The following THSD4 variants were observed in gnomAD, a reference collection of about 807,000 sequenced individuals.
THSD4 encodes thrombospondin type-1 domain-containing protein 4.
A neutral mutation model predicts 119.0 loss-of-function variants in THSD4; 69 were observed. The ratio of observed to expected loss-of-function variants is 0.58; its 90% CI spans 0.48 to 0.71. The LOEUF is 0.71. THSD4 is among the 30% of genes least tolerant of loss of function. The probability of loss-of-function intolerance (pLI) is 0.00; values close to 1 mark genes in which losing one functional copy is unlikely to be tolerated. For missense variants in THSD4, 1,393 were observed against 1,391.1 expected (o/e 1.00, Z -0.02); for synonymous variants, 524 against 540.4 (o/e 0.97, Z 0.42).
chr15:71,562,989 C>T (rs1251157369), intron 7 of THSD4, among the ~76,000 whole-genome samples: 1 of 152,116 alleles, frequency 6.6e-6, no homozygotes, highest in African/African-American at 2.4e-5. Flanking sequence ...CTTTAAATGC[C>T]CTTTGCTGTA....
intron 4 of THSD4, among the ~76,000 whole-genome samples, chr15:71,234,849 A>G (rs1362290239): frequency 6.6e-6 from 1 of 152,148 alleles, no homozygotes; most frequent in East Asian, 1.9e-4. Flanking sequence ...GAATGACTGA[A>G]GTGCACTGGC....
At position 71,311,591 on chromosome 15, in the gene THSD4, C is replaced by G. The variant is rs373479898; in HGVS notation, c.1015+54876C>G. On this transcript the variant is annotated intron_variant, in intron 6 of 17. Transcript: ENST00000261862. Reference sequence around the variant, plus strand: ...TTCACTTTCTAACTGTGCACTGATCCTTGCCTTCTGCTTCCACATGTCCTC... The same window carrying G: ...TTCACTTTCTAACTGTGCACTGATCGTTGCCTTCTGCTTCCACATGTCCTC... Among the ~76,000 whole-genome samples, 14 of 152,296 alleles carry G rather than the reference C, an allele frequency of 9.2e-5. 1 individual carries two copies. The highest frequency in any genetic ancestry group is 3.4e-4 in the African/African-American group (14 of 41,558).
intron 10 of THSD4, among the ~76,000 whole-genome samples, chr15:71,735,596 CTT>C (rs1435120508): frequency 6.6e-6 from 1 of 151,690 alleles, no homozygotes; most frequent in African/African-American, 2.4e-5. Context: ...CTCTCTCTCT[CTT>C]GCTCTCTGTC....
At chr15:71,448,453 G>A (rs2140575132) in intron 7 of THSD4, among the ~76,000 whole-genome samples, 1 of 152,278 alleles carries the variant, frequency 6.6e-6, no homozygotes, top group Non-Finnish European at 1.5e-5. Context: ...TCTTTTTCCA[G>A]CCTTACATAA....
At chr15:71,627,300 T>G (rs74022172) in intron 7 of THSD4, among the ~76,000 whole-genome samples, 1 of 152,214 alleles carries the variant, frequency 6.6e-6, no homozygotes, top group Admixed American at 6.5e-5. Flanking sequence ...GTGTAGTATG[T>G]CACCTCTCCG....
chr15:71,693,115 G>A (rs1317647021), intron 8 of THSD4, among the ~76,000 whole-genome samples: 2 of 152,134 alleles, frequency 1.3e-5, no homozygotes, highest in Non-Finnish European at 2.9e-5. Context: ...ATTTCAGGAT[G>A]TGGGGAGGGT....
Position 71,332,892 on chromosome 15 carries a change from A to ATTTTTTTTTTTTTTTTTTTTTTTTTTTTT in THSD4, c.1015+76193_1015+76194insTTTTTTTTTTTTTTTTTTTTTTTTTTTTT. On this transcript the variant is annotated intron_variant, in intron 6 of 17. Coordinates refer to ENST00000261862, the MANE Select transcript of THSD4 (RefSeq NM_024817.3). ...TCTTAAAACATTGAGATTTTTTTAC[A>ATTTTTTTTTTTTTTTTTTTTTTTTTTTTT]TTTTTTTTTTTTTTTTAGTTCATCA... Among the ~76,000 whole-genome samples, 124 of 76,994 alleles carry ATTTTTTTTTTTTTTTTTTTTTTTTTTTTT rather than the reference A, an allele frequency of 1.6e-3. 26 individuals carry two copies. Among genetic ancestry groups the ATTTTTTTTTTTTTTTTTTTTTTTTTTTTT allele is most frequent in the Admixed American group, 2.3e-3 (11 of 4,682 alleles). 50.5% of individuals were successfully genotyped at this position (76,994 alleles called of 152,430 possible). A position where few individuals can be genotyped will look rare whatever the true frequency, so the allele number is the denominator to read the frequency against.
intron 1 of THSD4, among the ~76,000 whole-genome samples, chr15:71,131,140 A>G (rs1204922129): frequency 6.6e-6 from 1 of 152,154 alleles, no homozygotes; most frequent in Non-Finnish European, 1.5e-5. Context: ...CTATTAGTTT[A>G]TTCATCTTTG....
chr15:71,107,833 G>A lies in THSD4; in HGVS notation c.-80+10827G>A, dbSNP rs1044672588. Among the ~76,000 whole-genome samples the A allele has an allele frequency of 4.6e-5, 7 of 152,316 alleles. No homozygotes were observed. In the East Asian group the frequency reaches 1.4e-3, roughly 29 times the overall value. ...CCATTTTCCCCCTTGAGAGAATTCA[G>A]CAGTTAGTGAGTGTCAAGCCTGCTC... On this transcript the variant is annotated intron_variant, in intron 1 of 17. Transcript: ENST00000355327.
At chr15:71,348,041 G>A (rs1161860230) in intron 6 of THSD4, 3 of 152,208 alleles carry the variant, frequency 2.0e-5, no homozygotes, top group Non-Finnish European at 4.4e-5. Flanking sequence ...AGGGAACAGA[G>A]TGTTTGAAAC....
At chr15:71,587,787 T>TAAAAAAAAAAAAAAAAAAAAAAAAA (rs1207231444) in intron 7 of THSD4, among the ~76,000 whole-genome samples, 9 of 105,548 alleles carry the variant, frequency 8.5e-5, no homozygotes, top group African/African-American at 3.2e-4. Context: ...AAAAAAAAAT[T>TAAAAAAAAAAAAAAAAAAAAAAAAA]AAAAAAAAAA....
chr15:71,447,907 T>C (rs2047209738), intron 7 of THSD4, among the ~76,000 whole-genome samples: 1 of 152,190 alleles, frequency 6.6e-6, no homozygotes, highest in African/African-American at 2.4e-5. Flanking sequence ...TTCCACCTCC[T>C]GAGTCCATGT....
intron 8 of THSD4, among the ~76,000 whole-genome samples, chr15:71,721,252 T>C (rs1268221990): frequency 6.6e-6 from 1 of 152,150 alleles, no homozygotes; most frequent in Non-Finnish European, 1.5e-5. Context: ...CCTGTGCCTG[T>C]AATCCCAGCA....
chr15:71,695,840 T>A (rs2052155109), intron 8 of THSD4, among the ~76,000 whole-genome samples: 1 of 151,840 alleles, frequency 6.6e-6, no homozygotes. Flanking sequence ...AGCCTCTGCT[T>A]CCCATCTATA....
intron 7 of THSD4, among the ~76,000 whole-genome samples, chr15:71,636,372 G>A (rs1478713533): frequency 2.6e-5 from 4 of 152,080 alleles, no homozygotes; most frequent in African/African-American, 7.2e-5. Flanking sequence ...GCAGTGAGCC[G>A]AGATGGTGCC....
At chr15:71,746,113 A>G (rs1173663763) in intron 12 of THSD4, among the ~76,000 whole-genome samples, 1 of 152,252 alleles carries the variant, frequency 6.6e-6, no homozygotes. Flanking sequence ...CAGATGACAG[A>G]GGAGGGTTTG....
rs77668643 is a variant in THSD4, at chr15:71,723,103, G to A, written c.1358-5446G>A. 6.7e-3 allele frequency among the ~76,000 whole-genome samples: 1,007 copies of A among 150,218 alleles called. 9 individuals carry two copies. Among genetic ancestry groups the A allele is most frequent in the Non-Finnish European group, 7.4e-3 (502 of 67,756 alleles). On this transcript the variant is annotated intron_variant, in intron 8 of 17. Transcript: ENST00000261862. ...TTTTTCTCTATTTAAAAAAAAATGG[G>A]CAGATAATATCCTTGTTAGAAACAT... is the stretch of plus-strand genomic sequence containing the variant.
intron 6 of THSD4, among the ~76,000 whole-genome samples, chr15:71,286,357 T>G (rs2044718168): frequency 6.6e-6 from 1 of 152,180 alleles, no homozygotes; most frequent in African/African-American, 2.4e-5. Flanking sequence ...TTCCCCTCTA[T>G]GTATCCATGT....
At chr15:71,215,433 T>C (rs780088171) in intron 4 of THSD4, 34 bp downstream of exon 4, 1 of 1,483,802 alleles carries the variant, frequency 6.7e-7, no homozygotes, top group South Asian at 1.3e-5. Context: ...CCGCTCCCCG[T>C]CCCTGTCCCA....
Sources: gnomAD v4.1 joint callset for allele counts (sites outside exome capture counted in the v4.1 genomes callset) on GRCh38, gnomAD v4.1.1 for gene constraint, MANE v1.5 for transcripts, NCBI Gene and HGNC (gene_info 2026-07-23, HGNC 2026-07-21) for gene names.